The following RRP1B variants were observed in gnomAD, a reference collection of about 807,000 sequenced individuals.
RRP1B encodes ribosomal RNA processing 1B, also known as ribosomal RNA processing protein 1 homolog B.
A neutral mutation model predicts 80.2 loss-of-function variants in RRP1B; 56 were observed. The ratio of observed to expected loss-of-function variants is 0.70; its 90% CI spans 0.56 to 0.87. RRP1B has a LOEUF of 0.87. RRP1B is among the 40% of genes least tolerant of loss of function. The probability of loss-of-function intolerance (pLI) is 0.00; values close to 1 mark genes in which losing one functional copy is unlikely to be tolerated. For synonymous variants in RRP1B, 351 were observed against 357.6 expected (o/e 0.98, Z 0.21); for missense variants, 807 against 939.8 (o/e 0.86, Z 1.85).
intron 12 of RRP1B, 128 bp downstream of exon 12, chr21:43,687,063 A>G: frequency 9.2e-7 from 1 of 1,091,924 alleles, no homozygotes; most frequent in South Asian, 1.6e-5. Context: ...TCAGTCTTTA[A>G]TGGCTGAGAG....
At chr21:43,674,063 A>G in intron 4 of RRP1B, 108 bp downstream of exon 4, 1 of 776,644 alleles carries the variant, frequency 1.3e-6, no homozygotes, top group Non-Finnish European at 2.0e-6. Flanking sequence ...CCACAGGCTT[A>G]GTGTGAAGGA....
At chr21:43,676,509 G>A (rs1024744215) in intron 7 of RRP1B, among the ~76,000 whole-genome samples, 173 bp downstream of exon 7, 1 of 152,238 alleles carries the variant, frequency 6.6e-6, no homozygotes, top group Non-Finnish European at 1.5e-5. Flanking sequence ...TTCAGTATTT[G>A]CCTCACTCAT....
chr21:43,660,579 A>G (rs2082949235), intron 1 of RRP1B, among the ~76,000 whole-genome samples: 1 of 152,070 alleles, frequency 6.6e-6, no homozygotes, highest in South Asian at 2.1e-4. Flanking sequence ...AAAAGAAAAG[A>G]AAAAAGGAAA....
At chr21:43,682,935 T>C (rs1049806826) in intron 8 of RRP1B, among the ~76,000 whole-genome samples, 11 of 152,188 alleles carry the variant, frequency 7.2e-5, no homozygotes, top group Non-Finnish European at 1.6e-4. Context: ...TGCAGTGGCA[T>C]GATCTTGGCT....
Position 43,691,202 on chromosome 21 carries a change from TG to T in RRP1B, c.2020-231del, listed in dbSNP as rs2083084901. 6.6e-6 allele frequency among the ~76,000 whole-genome samples: 1 copy of T among 152,124 alleles called. No individual in the cohort carries two copies. The highest frequency in any genetic ancestry group is 6.5e-5 in the Admixed American group (1 of 15,272). Reference sequence around the variant, plus strand: ...AGTGTGGGCACCACTGACCCTGGGCTGGGGGGTTGCGTGTGTGGGACGCTGG... The same window carrying T: ...AGTGTGGGCACCACTGACCCTGGGCTGGGGGTTGCGTGTGTGGGACGCTGG... On this transcript the variant is annotated intron_variant, in intron 14 of 15. Transcript: ENST00000340648. The surrounding 1 kb of genome is among the most constrained non-coding windows in gnomAD (Gnocchi z 4.2).
intron 5 of RRP1B, 99 bp downstream of exon 5, chr21:43,674,796 G>C: frequency 8.8e-7 from 1 of 1,133,016 alleles, no homozygotes; most frequent in Non-Finnish European, 1.3e-6. Context: ...TGAGAAGCTC[G>C]ATACATCGTT....
At chr21:43,674,294 T>C (rs1349493349) in intron 4 of RRP1B, among the ~76,000 whole-genome samples, 2 of 152,144 alleles carry the variant, frequency 1.3e-5, no homozygotes, top group African/African-American at 4.8e-5. Context: ...GTAGCTGGGA[T>C]TACAGACGCG....
chr21:43,673,634 C>CAAAAAA (rs557525643), intron 3 of RRP1B, among the ~76,000 whole-genome samples: 4 of 66,098 alleles, frequency 6.1e-5, no homozygotes, highest in Admixed American at 1.8e-4. Context: ...ACCCCGTCTC[C>CAAAAAA]AAAAAAAAAA....
At chr21:43,665,531 G>GTTTTA (rs970181393) in intron 1 of RRP1B, among the ~76,000 whole-genome samples, 3 of 152,198 alleles carry the variant, frequency 2.0e-5, no homozygotes, top group African/African-American at 7.2e-5. Flanking sequence ...CGCCATGCTA[G>GTTTTA]TTTTATTTTA....
At chr21:43,666,013 C>T (rs2082976900) in intron 1 of RRP1B, among the ~76,000 whole-genome samples, 1 of 152,192 alleles carries the variant, frequency 6.6e-6, no homozygotes, top group South Asian at 2.1e-4. Flanking sequence ...CAGGGCACTC[C>T]TTGTCCTTGC....
chr21:43,679,228 G>GT (rs1347620609), intron 8 of RRP1B, among the ~76,000 whole-genome samples: 1 of 145,166 alleles, frequency 6.9e-6, no homozygotes, highest in African/African-American at 2.8e-5. Flanking sequence ...TTTTTTGTGT[G>GT]TCTTTTTTTT....
intron 2 of RRP1B, among the ~76,000 whole-genome samples, chr21:43,670,270 A>AT (rs1291234475): frequency 6.6e-6 from 1 of 152,202 alleles, no homozygotes; most frequent in East Asian, 1.9e-4. Context: ...TGGTAAGTTT[A>AT]TTTTTTGTGG....
intron 3 of RRP1B, among the ~76,000 whole-genome samples, chr21:43,672,679 T>C (rs992839877): frequency 6.6e-6 from 1 of 152,330 alleles, no homozygotes; most frequent in East Asian, 1.9e-4. Context: ...CAGGTTCGTC[T>C]TCCCCAAGAG....
intron 4 of RRP1B, 136 bp downstream of exon 4, chr21:43,674,091 T>C (rs2083011295): frequency 1.6e-6 from 1 of 638,730 alleles, no homozygotes; most frequent in South Asian, 2.4e-5. Flanking sequence ...GAATGTGTCC[T>C]GGAAAGCTTC....
chr21:43,679,013 C>T (rs879802366), intron 8 of RRP1B, among the ~76,000 whole-genome samples: 25 of 152,104 alleles, frequency 1.6e-4, no homozygotes, highest in Non-Finnish European at 3.4e-4. Context: ...AATAGGGTGT[C>T]CTTTCCCCAC....
At chr21:43,662,149 C>T (rs192404740) in intron 1 of RRP1B, among the ~76,000 whole-genome samples, 4 of 152,336 alleles carry the variant, frequency 2.6e-5, no homozygotes, top group East Asian at 3.9e-4. Flanking sequence ...GCAATACTTA[C>T]GGTGCTAAGA....
intron 11 of RRP1B, 123 bp from the exon 12 acceptor site, chr21:43,686,681 G>T: frequency 8.8e-7 from 1 of 1,138,870 alleles, no homozygotes; most frequent in Admixed American, 2.4e-5. Flanking sequence ...TCAGGTTTGG[G>T]TGGGAGAAAC....
chr21:43,687,428 G>T (rs536786545), intron 12 of RRP1B, 88 bp from the exon 13 acceptor site: 1 of 1,380,126 alleles, frequency 7.2e-7, no homozygotes, highest in East Asian at 2.4e-5. Context: ...AGGAAATTGC[G>T]TCCGCCAGTC....
intron 6 of RRP1B, among the ~76,000 whole-genome samples, chr21:43,676,016 T>C (rs1395793352): frequency 1.3e-5 from 2 of 152,088 alleles, no homozygotes; most frequent in Non-Finnish European, 2.9e-5. Flanking sequence ...ATGTTGGGCA[T>C]ATAGGATAGT....
Sources: gnomAD v4.1 joint callset for allele counts (sites outside exome capture counted in the v4.1 genomes callset) on GRCh38, gnomAD v4.1.1 for gene constraint, Gnocchi (gnomAD v3.1) non-coding constraint, MANE v1.5 for transcripts, NCBI Gene and HGNC (gene_info 2026-07-23, HGNC 2026-07-21) for gene names.